The following BLTP2 variants were observed in gnomAD, a reference collection of about 807,000 sequenced individuals.
The protein encoded by BLTP2 is bridge-like lipid transfer protein family member 2.
chr17:28,623,680 A>AC, the BLTP2 span: 1 of 1,155,802 alleles, frequency 8.7e-7, no homozygotes, highest in Non-Finnish European at 1.3e-6. Flanking sequence ...ACAGCAGGTT[A>AC]CTGTCAAGAA....
At chr17:28,628,532 T>G in the BLTP2 span, 1 of 1,613,836 alleles carries the variant, frequency 6.2e-7, no homozygotes, top group Non-Finnish European at 8.5e-7. Context: ...GTATGAAAGG[T>G]AGGATCCCCA....
chr17:28,630,461 C>A, the BLTP2 span, among the ~76,000 whole-genome samples: 5 of 150,488 alleles, frequency 3.3e-5, no homozygotes, highest in Admixed American at 6.6e-5. Flanking sequence ...GCCCAGCCCC[C>A]ACTGTTTTTT....
the BLTP2 span, chr17:28,643,399 C>T: frequency 1.2e-5 from 19 of 1,541,044 alleles, no homozygotes; most frequent in Non-Finnish European, 1.6e-5. Flanking sequence ...TCTCATCCTT[C>T]CTAGAAATAT....
the BLTP2 span, among the ~76,000 whole-genome samples, chr17:28,641,590 G>A: frequency 8.6e-5 from 13 of 151,544 alleles, no homozygotes; most frequent in Non-Finnish European, 1.6e-4. Flanking sequence ...GCAGTGAGCC[G>A]AGATCACGCC....
chr17:28,627,636 T>C, the BLTP2 span, among the ~76,000 whole-genome samples: 3 of 152,256 alleles, frequency 2.0e-5, no homozygotes, highest in Non-Finnish European at 4.4e-5. Context: ...CTCGATCTCC[T>C]GACCCACCCA....
At chr17:28,618,859 G>A in the BLTP2 span, 90 of 1,613,874 alleles carry the variant, frequency 5.6e-5, no homozygotes, top group Non-Finnish European at 6.8e-5. Flanking sequence ...TCTGTCAGGC[G>A]CCACCGTGCC....
At chr17:28,624,883 T>C in the BLTP2 span, among the ~76,000 whole-genome samples, 1 of 152,340 alleles carries the variant, frequency 6.6e-6, no homozygotes, top group Non-Finnish European at 1.5e-5. Context: ...TTCTCTTTCC[T>C]ACTCTTTCTC....
At chr17:28,643,554 A>G in the BLTP2 span, 162 of 1,557,524 alleles carry the variant, frequency 1.0e-4, 1 homozygote, top group Admixed American at 4.2e-4. Context: ...GTCACTCTGC[A>G]AACACCAACT....
At chr17:28,624,042 G>A in the BLTP2 span, 17 of 1,429,878 alleles carry the variant, frequency 1.2e-5, no homozygotes, top group Admixed American at 2.1e-4. Context: ...AACCACTGCA[G>A]CTAGGTCTAA....
the BLTP2 span, chr17:28,634,188 A>C: frequency 9.7e-7 from 1 of 1,030,602 alleles, no homozygotes; most frequent in Non-Finnish European, 1.4e-6. Context: ...TATATTTACA[A>C]AGTCAATTGA....
chr17:28,629,103 G>A, the BLTP2 span, among the ~76,000 whole-genome samples: 1 of 151,900 alleles, frequency 6.6e-6, no homozygotes, highest in Non-Finnish European at 1.5e-5. Flanking sequence ...TTAAGAAATG[G>A]AGTCTATTTT....
chr17:28,644,279 G>T, the BLTP2 span: 5 of 1,411,936 alleles, frequency 3.5e-6, no homozygotes, highest in South Asian at 2.6e-5. Context: ...GCAAAAGGTC[G>T]TTCCTGAAAC....
chr17:28,619,707 G>A, the BLTP2 span: 3 of 1,614,064 alleles, frequency 1.9e-6, no homozygotes, highest in Non-Finnish European at 2.5e-6. Flanking sequence ...CCTTCTCCTG[G>A]TTTAGCTGCA....
the BLTP2 span, chr17:28,640,406 A>T: frequency 2.6e-6 from 2 of 768,678 alleles, no homozygotes. Flanking sequence ...AATAATAATA[A>T]TTTTTTTAAT....
the BLTP2 span, chr17:28,637,175 C>G: frequency 2.9e-5 from 47 of 1,613,372 alleles, no homozygotes; most frequent in Admixed American, 7.3e-4. Context: ...AAGCACCTAA[C>G]AACCAGAAAC....
At chr17:28,616,270 T>G in the BLTP2 span, 11 of 1,600,924 alleles carry the variant, frequency 6.9e-6, no homozygotes, top group Middle Eastern at 1.7e-4. The surrounding 1 kb of genome is among the most constrained non-coding windows in gnomAD (Gnocchi z 4.8). Flanking sequence ...CATCTCCCTC[T>G]TCTTTTATCC....
At chr17:28,617,088 G>T in the BLTP2 span, 1 of 1,173,336 alleles carries the variant, frequency 8.5e-7, no homozygotes, top group Non-Finnish European at 1.2e-6. Context: ...GAGAGGAGAA[G>T]CAATGGTACT....
the BLTP2 span, chr17:28,639,930 G>A: frequency 6.2e-7 from 1 of 1,613,892 alleles, no homozygotes; most frequent in Non-Finnish European, 8.5e-7. Flanking sequence ...GCTCATCTGT[G>A]CCATATCAGA....
At chr17:28,636,045 T>C in the BLTP2 span, 1 of 158,006 alleles carries the variant, frequency 6.3e-6, no homozygotes, top group Non-Finnish European at 1.4e-5. Flanking sequence ...GTTGATTGCA[T>C]CAATTTAATT....
Sources: gnomAD v4.1 joint callset for allele counts (sites outside exome capture counted in the v4.1 genomes callset) on GRCh38, gnomAD v4.1.1 for gene constraint, Gnocchi (gnomAD v3.1) non-coding constraint, MANE v1.5 for transcripts, NCBI Gene and HGNC (gene_info 2026-07-23, HGNC 2026-07-21) for gene names.